The following SLC24A2 variants were observed in gnomAD, a reference collection of about 807,000 sequenced individuals.
SLC24A2 encodes the protein sodium/potassium/calcium exchanger 2.
In SLC24A2, 36 loss-of-function variants were observed where a neutral mutation model predicts 62.0. The ratio of observed to expected loss-of-function variants is 0.58; its 90% CI spans 0.44 to 0.77. The LOEUF is 0.77. Among genes scored for constraint, SLC24A2 ranks in the 30% least tolerant of loss-of-function variants. The pLI, the probability that SLC24A2 is intolerant of heterozygous loss-of-function variation, is 0.00. For missense variants in SLC24A2, 846 were observed against 817.9 expected (o/e 1.03, Z -0.42); for synonymous variants, 358 against 294.0 (o/e 1.22, Z -2.23).
At chr9:20,276,127 T>A in the SLC24A2 span, among the ~76,000 whole-genome samples, 1 of 152,092 alleles carries the variant, frequency 6.6e-6, no homozygotes, top group Non-Finnish European at 1.5e-5. Flanking sequence ...TCCCCCAAAG[T>A]CTTAACTCAT....
At chr9:19,839,060 A>C in the SLC24A2 span, among the ~76,000 whole-genome samples, 2 of 152,138 alleles carry the variant, frequency 1.3e-5, no homozygotes, top group African/African-American at 2.4e-5. Flanking sequence ...AACAAACAAC[A>C]CCATCAAAAA....
At chr9:19,735,881 T>C (rs989578386) in intron 2 of SLC24A2, among the ~76,000 whole-genome samples, 1 of 151,740 alleles carries the variant, frequency 6.6e-6, no homozygotes, top group Non-Finnish European at 1.5e-5. Flanking sequence ...AGGGGGAGGA[T>C]AGCATTAGGA....
chr9:20,015,165 G>C, the SLC24A2 span, among the ~76,000 whole-genome samples: 13 of 152,186 alleles, frequency 8.5e-5, no homozygotes, highest in Non-Finnish European at 1.3e-4. Flanking sequence ...CCATCTTCAT[G>C]TATATAATAC....
chr9:19,640,887 A>G (rs1239341115), intron 2 of SLC24A2, among the ~76,000 whole-genome samples: 1 of 152,186 alleles, frequency 6.6e-6, no homozygotes, highest in Non-Finnish European at 1.5e-5. Flanking sequence ...TGCCATCCTC[A>G]CCTTACCCTA....
intron 2 of SLC24A2, among the ~76,000 whole-genome samples, chr9:19,634,094 T>C (rs1223418142): frequency 6.6e-5 from 10 of 152,130 alleles, no homozygotes; most frequent in Non-Finnish European, 1.2e-4. Flanking sequence ...TTTTTGCCTA[T>C]GGCTTTTCCA....
intron 2 of SLC24A2, among the ~76,000 whole-genome samples, chr9:19,629,134 G>A (rs1352988045): frequency 6.6e-6 from 1 of 152,090 alleles, no homozygotes; most frequent in African/African-American, 2.4e-5. Context: ...TGAAGCTGAT[G>A]GAGTTGGACA....
chr9:19,696,269 C>G (rs533862614), intron 2 of SLC24A2, among the ~76,000 whole-genome samples: 2 of 152,188 alleles, frequency 1.3e-5, no homozygotes, highest in African/African-American at 2.4e-5. Flanking sequence ...CTGTCTTCCA[C>G]GAAACTGGTC....
At chr9:20,296,838 T>C in the SLC24A2 span, among the ~76,000 whole-genome samples, 1 of 152,240 alleles carries the variant, frequency 6.6e-6, no homozygotes, top group South Asian at 2.1e-4. Flanking sequence ...ATAACTGTTA[T>C]GCTCTCATGA....
the SLC24A2 span, among the ~76,000 whole-genome samples, chr9:19,882,023 T>C: frequency 2.3e-3 from 347 of 152,366 alleles, 2 homozygotes; most frequent in African/African-American, 8.2e-3. Context: ...CTTTTGCACA[T>C]TGATGGTGTT....
At chr9:19,895,764 C>A in the SLC24A2 span, 1 of 1,553,908 alleles carries the variant, frequency 6.4e-7, no homozygotes. Flanking sequence ...CCCAGTCCCA[C>A]CCTCCATCTC....
chr9:20,124,179 T>C, the SLC24A2 span, among the ~76,000 whole-genome samples: 2 of 152,150 alleles, frequency 1.3e-5, no homozygotes, highest in Admixed American at 1.3e-4. Flanking sequence ...AACTATACGA[T>C]TCCTCCCAAT....
At chr9:20,244,187 A>C in the SLC24A2 span, among the ~76,000 whole-genome samples, 1 of 152,236 alleles carries the variant, frequency 6.6e-6, no homozygotes, top group Non-Finnish European at 1.5e-5. Context: ...AAATAAACTC[A>C]GATAAAAAAG....
At chr9:20,072,593 G>T in the SLC24A2 span, among the ~76,000 whole-genome samples, 1 of 151,814 alleles carries the variant, frequency 6.6e-6, no homozygotes, top group African/African-American at 2.4e-5. Context: ...TTGCAGATAT[G>T]ATTAAGTCAG....
intron 8 of SLC24A2, among the ~76,000 whole-genome samples, chr9:19,543,911 T>G (rs1174226287): frequency 6.6e-6 from 1 of 152,196 alleles, no homozygotes; most frequent in Non-Finnish European, 1.5e-5. Flanking sequence ...ATTCTTCTGA[T>G]TTGGGGTAGA....
the SLC24A2 span, among the ~76,000 whole-genome samples, chr9:19,855,078 T>A: frequency 6.6e-6 from 1 of 152,220 alleles, no homozygotes; most frequent in African/African-American, 2.4e-5. Context: ...TTTGTTGGTT[T>A]AAAGTCTGTT....
chr9:19,559,504 A>G (rs898751793), intron 7 of SLC24A2, among the ~76,000 whole-genome samples: 2 of 152,230 alleles, frequency 1.3e-5, no homozygotes, highest in African/African-American at 2.4e-5. Flanking sequence ...GCAGGGGGCA[A>G]GACTCATAAT....
the SLC24A2 span, among the ~76,000 whole-genome samples, chr9:20,046,313 G>C: frequency 2.6e-5 from 4 of 152,198 alleles, no homozygotes; most frequent in Non-Finnish European, 4.4e-5. Context: ...AAAAGAAAGG[G>C]ACAGGCAGAC....
chr9:19,727,458 T>A (rs1291315544), intron 2 of SLC24A2, among the ~76,000 whole-genome samples: 1 of 152,102 alleles, frequency 6.6e-6, no homozygotes, highest in Non-Finnish European at 1.5e-5. Flanking sequence ...ACACACTACA[T>A]CATTTAGTTA....
chr9:20,138,055 T>C, the SLC24A2 span, among the ~76,000 whole-genome samples: 8 of 152,278 alleles, frequency 5.3e-5, no homozygotes, highest in African/African-American at 1.9e-4. Flanking sequence ...CATGTGGTCA[T>C]TGCCCAGGTC....
Sources: allele counts gnomAD v4.1 joint callset (sites outside exome capture counted in the v4.1 genomes callset), GRCh38; gene constraint gnomAD v4.1.1; transcripts MANE v1.5; gene names NCBI Gene and HGNC (gene_info 2026-07-23, HGNC 2026-07-21).